Variants in MAP3K15 observed in about 807,000 individuals in gnomAD.
The protein encoded by MAP3K15 is MAPK/ERK kinase kinase 15.
In MAP3K15, 124 loss-of-function variants were observed where a neutral mutation model predicts 99.5. The ratio of observed to expected loss-of-function variants is 1.25; its 90% CI spans 1.08 to 1.45. MAP3K15 has a LOEUF of 1.45. MAP3K15 is among the 40% of genes most tolerant of loss of function. The pLI, the probability that MAP3K15 is intolerant of heterozygous loss-of-function variation, is 0.00. For synonymous variants in MAP3K15, 494 were observed against 439.6 expected (o/e 1.12, Z -1.55); for missense variants, 1,242 against 1,079.7 (o/e 1.15, Z -2.11).
At chrX:19,496,789 C>A (rs1204038918) in intron 1 of MAP3K15, 2 of 111,647 alleles carry the variant, frequency 1.8e-5, no homozygotes, top group Non-Finnish European at 3.8e-5. Flanking sequence ...AAATCAACAG[C>A]TCCTTAAAGA....
intron 6 of MAP3K15, among the ~76,000 whole-genome samples, chrX:19,436,440 T>C (rs776737150): frequency 9.0e-6 from 1 of 111,501 alleles, no homozygotes; most frequent in Admixed American, 9.6e-5. Flanking sequence ...TCTCTGATCT[T>C]TTCACATTGG....
At chrX:19,442,157 G>A (rs2063963854) in intron 6 of MAP3K15, among the ~76,000 whole-genome samples, 1 of 111,070 alleles carries the variant, frequency 9.0e-6, no homozygotes. Flanking sequence ...TTTTTTAGCA[G>A]ACACCAGGGA....
At chrX:19,362,230 CTTTTTTTTTTTTT>C in intron 26 of MAP3K15, among the ~76,000 whole-genome samples, 1 of 75,673 alleles carries the variant, frequency 1.3e-5, no homozygotes, top group Admixed American at 1.4e-4. Flanking sequence ...CCTTTTGAAT[CTTTTTTTTTTTTT>C]TTTTTTTTGA....
chrX:19,409,949 T>C lies in MAP3K15; in HGVS notation c.1723A>G (p.Thr575Ala). Residue 575 changes from threonine (T) to alanine (A), a missense_variant, in exon 12 of 29, where the codon ACA becomes GCA. Thr to Ala is a moderately conservative substitution (Grantham distance 58). Transcript: ENST00000338883. ...CTTATTCCCTTTATGGAAGAGGCTGTAAAATTCCATTCGTGCATCTGTTTC... is the reference window on the plus strand; with the variant it reads ...CTTATTCCCTTTATGGAAGAGGCTGCAAAATTCCATTCGTGCATCTGTTTC... ...EMKQMHEWNF[T>A]ASSIKGISLS... 1 of 1,206,928 alleles carries C rather than the reference T, an allele frequency of 8.3e-7. No homozygotes were observed. Among genetic ancestry groups the C allele is most frequent in the Non-Finnish European group, 1.1e-6 (1 of 891,400 alleles).
At chrX:19,508,167 C>T (rs2064492706) in intron 1 of MAP3K15, among the ~76,000 whole-genome samples, 2 of 111,044 alleles carry the variant, frequency 1.8e-5, no homozygotes, top group Admixed American at 1.9e-4. Flanking sequence ...CACGCCCAGC[C>T]AGGATATTGG....
chrX:19,435,628 A>G (rs2063915919), intron 6 of MAP3K15, among the ~76,000 whole-genome samples: 1 of 112,599 alleles, frequency 8.9e-6, no homozygotes, highest in Admixed American at 9.4e-5. Flanking sequence ...AGAGATTTTC[A>G]GCTTAAAAGC....
rs34487219 is a variant in MAP3K15 at position 19,362,857 on chromosome X, TAAA to T, written c.3567-10_3567-8del. On this transcript the variant is annotated splice_region_variant and splice_polypyrimidine_tract_variant and intron_variant, in intron 25 of 28. Transcript: ENST00000338883. ...AACTAGGTGTTCCAAAAGTCTGGTTTAAAAAAAAAAAAAAAAAGCCATTATCCA... is the reference window on the plus strand; with the variant it reads ...AACTAGGTGTTCCAAAAGTCTGGTTTAAAAAAAAAAAAAAGCCATTATCCA... The T allele has an allele frequency of 1.7e-3, 1,343 of 775,166 alleles. No homozygotes were observed. The highest frequency in any genetic ancestry group is 4.7e-3 in the African/African-American group (188 of 39,958). The allele number at this position is 775,166 out of a possible 1,213,427, so 63.9% of individuals were successfully genotyped here.
At chrX:19,444,039 A>T (rs1268639938) in intron 6 of MAP3K15, among the ~76,000 whole-genome samples, 1 of 111,579 alleles carries the variant, frequency 9.0e-6, no homozygotes, top group Non-Finnish European at 1.9e-5. Flanking sequence ...TAGTTCCTTC[A>T]TGTCTCCTGA....
At chrX:19,371,304 C>T (rs984703565) in intron 23 of MAP3K15, 41 bp downstream of exon 23, 12 of 1,170,411 alleles carry the variant, frequency 1.0e-5, no homozygotes, top group Non-Finnish European at 1.3e-5. Flanking sequence ...AACTGAATTC[C>T]AAGATCTGGT....
Position 19,371,340 on chromosome X carries a change from CT to C in MAP3K15, c.3294+4del, listed in dbSNP as rs765475538. 14 of 1,203,103 alleles carry C rather than the reference CT, an allele frequency of 1.2e-5. No individual in the cohort carries two copies. Among genetic ancestry groups the C allele is most frequent in the Non-Finnish European group, 1.6e-5 (14 of 889,547 alleles). On this transcript the variant is annotated splice_donor_region_variant and intron_variant, in intron 23 of 28. Transcript: ENST00000338883. ...GTGTTCCCTAGGGCCAGATGGAGCA[CT>C]TACGGCATCCTGAAATCCGAACAGC...
chrX:19,398,953 C>T (rs779490718), intron 14 of MAP3K15, among the ~76,000 whole-genome samples: 4 of 112,005 alleles, frequency 3.6e-5, no homozygotes, highest in South Asian at 3.7e-4. Flanking sequence ...TGATTCTTCT[C>T]GATGATTAAA....
chrX:19,417,539 T>A (rs776115409), intron 9 of MAP3K15, among the ~76,000 whole-genome samples: 2 of 111,448 alleles, frequency 1.8e-5, no homozygotes, highest in South Asian at 3.8e-4. Flanking sequence ...AAACAAAGCC[T>A]CCGGGAAGCT....
At chrX:19,406,670 AACTATG>A (rs2063650410) in intron 13 of MAP3K15, among the ~76,000 whole-genome samples, 1 of 112,628 alleles carries the variant, frequency 8.9e-6, no homozygotes, top group Non-Finnish European at 1.9e-5. Flanking sequence ...TTGGTTGGAA[AACTATG>A]ACTATACTAA....
chrX:19,367,938 G>A (rs771561717), intron 25 of MAP3K15, among the ~76,000 whole-genome samples: 2 of 105,291 alleles, frequency 1.9e-5, no homozygotes, highest in South Asian at 4.3e-4. Flanking sequence ...TAGTAGAGAC[G>A]GGGTTTCACC....
chrX:19,423,864 G>A (rs957147166), intron 9 of MAP3K15, among the ~76,000 whole-genome samples: 1 of 111,715 alleles, frequency 9.0e-6, no homozygotes, highest in East Asian at 2.8e-4. Flanking sequence ...TTGGAGCTGA[G>A]GTATTAATAT....
intron 4 of MAP3K15, 123 bp from the exon 5 acceptor site, chrX:19,460,276 G>C (rs1244151661): frequency 1.0e-5 from 4 of 392,031 alleles, no homozygotes; most frequent in African/African-American, 2.6e-5. Context: ...GCCCAGACCT[G>C]AGCCTCCCTG....
intron 19 of MAP3K15, among the ~76,000 whole-genome samples, chrX:19,379,441 C>CTT (rs770431394): frequency 0.012 from 736 of 62,315 alleles, 37 homozygotes; most frequent in Non-Finnish European, 0.017. Flanking sequence ...AGTGTTTTTC[C>CTT]TTTTTTTTTT....
Position 19,361,551 on chromosome X carries a change from T to G in MAP3K15, c.3722A>C (p.Asp1241Ala). The change falls in exon 27 of 29, where the codon GAT becomes GCT. Residue 1241 changes from aspartate (D) to alanine (A), a missense_variant. Coordinates refer to ENST00000338883, the MANE Select transcript of MAP3K15 (RefSeq NM_001001671.4). ...CCGCAACCAGTCTATAAGCTCTTTA[T>G]CTGTTCTCTGCCCGTAGGGGCCTGC... ...NPAGPYGQRT[D>A]KELIDWLRLQ... is the part of the protein sequence containing the mutation. 3 of 1,211,628 alleles carry G rather than the reference T, an allele frequency of 2.5e-6. No homozygotes were observed. Among genetic ancestry groups the G allele is most frequent in the South Asian group, 1.8e-5 (1 of 56,977 alleles).
intron 12 of MAP3K15, among the ~76,000 whole-genome samples, 170 bp downstream of exon 12, chrX:19,409,754 C>T (rs2063673305): frequency 8.9e-6 from 1 of 112,384 alleles, no homozygotes; most frequent in Non-Finnish European, 1.9e-5. Context: ...ACTAGGAGTA[C>T]ACTAGTATTA....
Sources: allele counts gnomAD v4.1 joint callset (sites outside exome capture counted in the v4.1 genomes callset), GRCh38; gene constraint gnomAD v4.1.1; transcripts MANE v1.5; gene names NCBI Gene and HGNC (gene_info 2026-07-23, HGNC 2026-07-21).